Variants in FURIN observed in about 807,000 individuals in gnomAD.
FURIN encodes the protein FES upstream region.
FURIN carries 18 observed loss-of-function variants against 89.2 expected under a neutral mutation model. The ratio of observed to expected loss-of-function variants is 0.20; its 90% confidence interval spans 0.14 to 0.30. The LOEUF (loss-of-function observed/expected upper bound fraction) is 0.30, where lower values mean the gene tolerates loss of function less well. Among genes scored for constraint, FURIN ranks in the 10% least tolerant of loss-of-function variants. The pLI, the probability that FURIN is intolerant of heterozygous loss-of-function variation, is 1.00. For synonymous variants in FURIN, 508 were observed against 466.4 expected, an observed-to-expected ratio of 1.09 and a Z score of -1.15; for missense variants, 879 against 1,100.5, an observed-to-expected ratio of 0.80 and a Z score of 2.85.
intron 1 of FURIN, among the ~76,000 whole-genome samples, chr15:90,869,293 C>T (rs1195423849): frequency 6.6e-6 from 1 of 151,984 alleles, no homozygotes; most frequent in Non-Finnish European, 1.5e-5. Flanking sequence ...CCCCTAGGGC[C>T]CCAGGTCAGG....
In FURIN at chr15:90,878,987, CCTGGGGGTGGGGG is replaced by C; in HGVS notation, c.1053+18_1053+30del. ...AATGAGAAGCAGATCGTGAGTCTTA[CCTGGGGGTGGGGG>C]CTGGGGAGATGGGGCTGCTGGCTGG... On this transcript the variant is annotated intron_variant, in intron 9 of 15. Transcript: ENST00000268171. The C allele has an allele frequency of 6.5e-7, 1 of 1,532,262 alleles. No individual in the cohort carries two copies. Among genetic ancestry groups the C allele is most frequent in the Non-Finnish European group, 8.9e-7 (1 of 1,126,854 alleles). The allele number at this position is 1,532,262 out of a possible 1,614,324, so 94.9% of individuals were successfully genotyped here. A position where few individuals can be genotyped will look rare whatever the true frequency, so the allele number is the denominator to read the frequency against.
intron 8 of FURIN, 49 bp from the exon 9 acceptor site, chr15:90,878,715 C>A (rs776009227): frequency 1.8e-6 from 2 of 1,137,438 alleles, no homozygotes; most frequent in Non-Finnish European, 2.6e-6. Context: ...TCCTGCCAGC[C>A]CTCCCTCAAG....
At chr15:90,872,991 G>A (rs1447995893) in intron 1 of FURIN, 2 of 152,332 alleles carry the variant, frequency 1.3e-5, no homozygotes, top group Non-Finnish European at 2.9e-5. Context: ...CAGCCAGGAA[G>A]AGCACCCACA....
chr15:90,873,238 C>G (rs1334314303), intron 1 of FURIN: 1 of 152,228 alleles, frequency 6.6e-6, no homozygotes. Flanking sequence ...GGAAGCCATC[C>G]CCACCCCTCA....
intron 1 of FURIN, among the ~76,000 whole-genome samples, chr15:90,869,739 C>G (rs1157512325): frequency 6.6e-6 from 1 of 152,248 alleles, no homozygotes; most frequent in Non-Finnish European, 1.5e-5. Context: ...CCACTGCGGG[C>G]TCCCCTGGGG....
chr15:90,876,141 C>A lies in FURIN; in HGVS notation c.178-114C>A. On this transcript the variant is annotated intron_variant, in intron 2 of 15. Transcript: ENST00000268171. The surrounding 1 kb of genome is among the most constrained non-coding windows in gnomAD (Gnocchi z 5.0). Reference sequence around the variant, plus strand: ...CTGGGTCCCGGACAGGGAGCAGATGCCCCGCACCCCCGACCGTGGCGAGCC... The same window carrying A: ...CTGGGTCCCGGACAGGGAGCAGATGACCCGCACCCCCGACCGTGGCGAGCC... The A allele has an allele frequency of 1.2e-6, 1 of 822,914 alleles. No individual in the cohort carries two copies. Among genetic ancestry groups the A allele is most frequent in the Non-Finnish European group, 2.1e-6 (1 of 486,548 alleles). The allele number at this position is 822,914 out of a possible 1,614,324, so 51.0% of individuals were successfully genotyped here. A position where few individuals can be genotyped will look rare whatever the true frequency, so the allele number is the denominator to read the frequency against.
At chr15:90,873,348 G>A (rs1478999124) in intron 1 of FURIN, among the ~76,000 whole-genome samples, 1 of 152,144 alleles carries the variant, frequency 6.6e-6, no homozygotes, top group Admixed American at 6.5e-5. Flanking sequence ...GTGCTGCAAG[G>A]TAATTAAATA....
chr15:90,869,956 A>C (rs1469062561), intron 1 of FURIN, among the ~76,000 whole-genome samples: 1 of 152,154 alleles, frequency 6.6e-6, no homozygotes, highest in African/African-American at 2.4e-5. Flanking sequence ...TGTTCTCCCA[A>C]CTGTGGCTGG....
intron 13 of FURIN, 43 bp from the exon 14 acceptor site, chr15:90,880,648 G>C (rs191965587): frequency 6.3e-6 from 10 of 1,574,900 alleles, no homozygotes; most frequent in African/African-American, 1.4e-5. Flanking sequence ...CCTGGCTTGG[G>C]GTCCCGCAGA....
rs902674344 is a variant in FURIN, at chr15:90,883,073, TG to T, written c.*1198del. 4 of 152,614 alleles carry T rather than the reference TG, an allele frequency of 2.6e-5. No homozygotes were observed. The highest frequency in any genetic ancestry group is 9.7e-5 in the African/African-American group (4 of 41,436). The allele number at this position is 152,614 out of a possible 1,614,324, so 9.5% of individuals were successfully genotyped here. On this transcript the variant is annotated 3_prime_UTR_variant, in exon 16 of 16. Coordinates refer to ENST00000268171, the MANE Select transcript of FURIN (RefSeq NM_002569.4). ...TCACTGGCTCTCCAAGTGCCAGAGG[TG>T]GGCAGGTGGTGGCACTGAGCCCCCC...
intron 1 of FURIN, among the ~76,000 whole-genome samples, chr15:90,869,056 C>A (rs1397504614): frequency 6.6e-6 from 1 of 152,122 alleles, no homozygotes; most frequent in Non-Finnish European, 1.5e-5. Context: ...GGATTTAGGA[C>A]TATGTGATTC....
In FURIN at chr15:90,875,780, A is replaced by G; in HGVS notation, c.40A>G (p.Thr14Ala). The change falls in exon 2 of 16, where the codon ACA becomes GCA. Residue 14 changes from threonine (T) to alanine (A), a missense_variant. By Grantham distance (58) the Thr-to-Ala change is moderately conservative (BLOSUM62 0). Around this residue, in one of 5 missense-constraint regions of FURIN, gnomAD observed 125 missense variants for 125.0 expected, o/e 1.00. Coordinates refer to ENST00000268171, the MANE Select transcript of FURIN (RefSeq NM_002569.4). ...RPWLLWVVAA[T>A]GTLVLLAADA... ...CTGGTTGCTATGGGTGGTAGCAGCAACAGGAACCTTGGTCCTGCTAGCAGC... is the reference window on the plus strand; with the variant it reads ...CTGGTTGCTATGGGTGGTAGCAGCAGCAGGAACCTTGGTCCTGCTAGCAGC... 1 of 1,556,736 alleles carries G rather than the reference A, an allele frequency of 6.4e-7. No individual in the cohort carries two copies. Among genetic ancestry groups the G allele is most frequent in the Non-Finnish European group, 8.7e-7 (1 of 1,149,408 alleles).
chr15:90,878,815 C>G lies in FURIN; in HGVS notation c.892C>G (p.Arg298Gly). The stretch of plus-strand genomic sequence containing the variant: ...TGTCTGGGCCTCGGGGAACGGGGGC[C>G]GGGAACATGACAGCTGCAACTGCGA... Reference protein sequence around the residue: ...IFVWASGNGGREHDSCNCDGY... With the variant: ...IFVWASGNGGGEHDSCNCDGY... The change falls in exon 9 of 16, where the codon CGG (arginine) becomes GGG (glycine). Residue 298 changes from arginine (R) to glycine (G), a missense_variant. By Grantham distance (125) the Arg-to-Gly change is moderately radical. Around this residue, in one of 5 missense-constraint regions of FURIN, gnomAD observed 156 missense variants for 243.7 expected, o/e 0.64. Coordinates refer to ENST00000268171, the MANE Select transcript of FURIN (RefSeq NM_002569.4). 6.2e-7 allele frequency: 1 copy of G among 1,612,510 alleles called. No individual in the cohort carries two copies. The highest frequency in any genetic ancestry group is 8.5e-7 in the Non-Finnish European group (1 of 1,179,180).
Position 90,881,092 on chromosome 15 carries a change from G to A in FURIN, c.1792+52G>A, listed in dbSNP as rs547458427. 1.6e-5 allele frequency: 22 copies of A among 1,378,034 alleles called. No individual in the cohort carries two copies. The highest frequency in any genetic ancestry group is 8.4e-5 in the Admixed American group (5 of 59,326). The allele number at this position is 1,378,034 out of a possible 1,614,324, so 85.4% of individuals were successfully genotyped here. ...GGGGGCCTGAGTCTGGGGGTAAGGC[G>A]GGTGCCTGTCCTGAAGCCCAGCTCT... On this transcript the variant is annotated intron_variant, in intron 15 of 15. Coordinates refer to ENST00000268171, the MANE Select transcript of FURIN (RefSeq NM_002569.4). This position sits in a 1 kb window ranked among gnomAD's most constrained non-coding sequence, Gnocchi z 4.3.
At chr15:90,879,402 C>T (rs778360004) in intron 9 of FURIN, 42 bp from the exon 10 acceptor site, 5 of 1,408,950 alleles carry the variant, frequency 3.5e-6, no homozygotes, top group Non-Finnish European at 5.0e-6. Context: ...CTCTAGCCCC[C>T]TCCACCCATC....
In FURIN at chr15:90,875,982, A is replaced by G; in HGVS notation, c.177+65A>G. 3.6e-6 allele frequency: 5 copies of G among 1,374,042 alleles called. No homozygotes were observed. In the South Asian group the frequency reaches 6.9e-5, roughly 19 times the overall value. The allele number at this position is 1,374,042 out of a possible 1,614,324, so 85.1% of individuals were successfully genotyped here. A position where few individuals can be genotyped will look rare whatever the true frequency, so the allele number is the denominator to read the frequency against. ...CAGAGAAGACAGGGATTCTGGGAGC[A>G]GGAGCTGTTGGCCTTGTTTGCTCAG... On this transcript the variant is annotated intron_variant, in intron 2 of 15. Transcript: ENST00000268171.
intron 1 of FURIN, among the ~76,000 whole-genome samples, chr15:90,869,212 C>A (rs2151217082): frequency 1.3e-5 from 2 of 152,310 alleles, no homozygotes; most frequent in South Asian, 4.1e-4. Context: ...CATCTCCAGA[C>A]TTCTGTCACA....
At chr15:90,869,695 C>T (rs998105597) in intron 1 of FURIN, among the ~76,000 whole-genome samples, 3 of 152,242 alleles carry the variant, frequency 2.0e-5, no homozygotes, top group African/African-American at 7.2e-5. Flanking sequence ...TGGCAGTCAT[C>T]TGAGCCTAGG....
chr15:90,877,463 C>T, intron 6 of FURIN, 64 bp from the exon 7 acceptor site: 1 of 1,318,736 alleles, frequency 7.6e-7, no homozygotes, highest in Non-Finnish European at 1.1e-6. Context: ...GCTCCTCAGG[C>T]CACATCTGCC....
Sources: allele counts gnomAD v4.1 joint callset (sites outside exome capture counted in the v4.1 genomes callset), GRCh38; gene constraint gnomAD v4.1.1; regional missense constraint gnomAD v4.1.1; non-coding constraint Gnocchi (gnomAD v3.1); transcripts MANE v1.5; gene names NCBI Gene and HGNC (gene_info 2026-07-23, HGNC 2026-07-21).